Variants in ACACA observed in about 807,000 individuals in gnomAD.
ACACA encodes acetyl-CoA carboxylase alpha.
Under a neutral mutation model 296.1 loss-of-function variants are expected in ACACA, and 103 were observed. The ratio of observed to expected loss-of-function variants is 0.35; its 90% CI spans 0.30 to 0.41. The LOEUF (loss-of-function observed/expected upper bound fraction) is 0.41. Ranked by LOEUF, ACACA falls within the 10% of genes least tolerant of loss-of-function variation. The pLI is 1.00. For missense variants in ACACA, 1,554 were observed against 2,989.7 expected (o/e 0.52, Z 11.20); for synonymous variants, 953 against 1,038.6 (o/e 0.92, Z 1.58).
At position 37,173,060 on chromosome 17, in the gene ACACA, T is replaced by C. The variant is rs1250715520; in HGVS notation, c.5079+6200A>G. 2.0e-5 allele frequency among the ~76,000 whole-genome samples: 3 copies of C among 152,142 alleles called. No individual in the cohort carries two copies. The East Asian group carries it at 5.8e-4, about 29-fold the overall frequency. The stretch of plus-strand genomic sequence containing the variant: ...TGAAACAAAAGCAAGGTAAAGTACA[T>C]CCAAATTAGCATCACATTCATGGAG... On this transcript the variant is annotated intron_variant, in intron 41 of 55. Coordinates refer to ENST00000616317, the MANE Select transcript of ACACA (RefSeq NM_198834.3).
intron 45 of ACACA, among the ~76,000 whole-genome samples, chr17:37,135,533 T>C (rs923876934): frequency 6.6e-6 from 1 of 152,064 alleles, no homozygotes; most frequent in Non-Finnish European, 1.5e-5. Context: ...TCAGGTATGC[T>C]GAAGGATAAA....
At position 37,317,126 on chromosome 17, in the gene ACACA, T is replaced by C. The variant is rs147992837; in HGVS notation, c.338+13047A>G. 5.8e-3 allele frequency among the ~76,000 whole-genome samples: 883 copies of C among 151,026 alleles called. 13 individuals carry two copies. Among genetic ancestry groups the C allele is most frequent in the African/African-American group, 0.021 (847 of 41,194 alleles). On this transcript the variant is annotated intron_variant, in intron 3 of 55. Transcript: ENST00000616317. ...AATGACATGAGAAAGTGTTGTTATA[T>C]GGGGAAAAAAAGCAGAAAGCAGAGC...
chr17:37,245,329 G>A, intron 19 of ACACA, 115 bp from the exon 20 acceptor site: 11 of 1,019,392 alleles, frequency 1.1e-5, no homozygotes, highest in Middle Eastern at 3.1e-4. Flanking sequence ...ATTTGACCAA[G>A]AAAAAATGGG....
At chr17:37,253,112 C>A (rs1054470490) in intron 14 of ACACA, 76 bp from the exon 15 acceptor site, 1 of 1,605,018 alleles carries the variant, frequency 6.2e-7, no homozygotes, top group Non-Finnish European at 8.5e-7. Context: ...ATCTGTTTGG[C>A]CAGGCATGGT....
chr17:37,098,429 A>G (rs868723015), intron 52 of ACACA, among the ~76,000 whole-genome samples: 3 of 152,344 alleles, frequency 2.0e-5, no homozygotes, highest in Middle Eastern at 3.4e-3. Context: ...GAGCACCCCT[A>G]AACTCCGAGC....
At chr17:37,315,527 A>G in intron 3 of ACACA, among the ~76,000 whole-genome samples, 1 of 152,188 alleles carries the variant, frequency 6.6e-6, no homozygotes, top group East Asian at 1.9e-4. Flanking sequence ...TTCAGATACC[A>G]GTTGCAAATC....
intron 41 of ACACA, among the ~76,000 whole-genome samples, chr17:37,168,916 G>C (rs8071315): frequency 0.5 from 75,519 of 152,028 alleles, 21,144 homozygotes; most frequent in East Asian, 0.75. Flanking sequence ...AGAACAGTGC[G>C]TATCAGCTAA....
intron 3 of ACACA, among the ~76,000 whole-genome samples, chr17:37,305,572 G>A (rs1293503380): frequency 6.6e-6 from 1 of 152,182 alleles, no homozygotes; most frequent in African/African-American, 2.4e-5. Context: ...ACTTTCCGTT[G>A]GGCCTTATCA....
chr17:37,394,377 A>G (rs140416669), intron 1 of ACACA, among the ~76,000 whole-genome samples: 1,742 of 151,672 alleles, frequency 0.011, 37 homozygotes, highest in African/African-American at 0.038. Flanking sequence ...CACCCAGCTA[A>G]TTTTTGTATT....
In ACACA at chr17:37,248,024, C is replaced by T; in HGVS notation, c.2296G>A (p.Glu766Lys). 1.9e-6 allele frequency: 3 copies of T among 1,614,108 alleles called. No individual in the cohort carries two copies. Among genetic ancestry groups the T allele is most frequent in the Non-Finnish European group, 2.5e-6 (3 of 1,180,022 alleles). ...ACAGCCACTTACCTATCCACTTCCT[C>T]TTTCATATACGTAGTATAACTGCTG... ...DGSSYTTYMK[E>K]EVDRYRITIG... Residue 766 changes from glutamate to lysine, a missense_variant, in exon 18 of 56, where the codon GAG becomes AAG. Around this residue, in one of 16 missense-constraint regions of ACACA, gnomAD observed 316 missense variants for 540.9 expected, o/e 0.58. Transcript: ENST00000616317.
chr17:37,309,960 T>C (rs1009031336), intron 3 of ACACA, among the ~76,000 whole-genome samples: 9 of 152,060 alleles, frequency 5.9e-5, no homozygotes, highest in African/African-American at 2.2e-4. Flanking sequence ...GTCTGAGGCT[T>C]GAGCCCAGAA....
At chr17:37,103,937 T>C (rs1157604781) in intron 52 of ACACA, among the ~76,000 whole-genome samples, 1 of 152,162 alleles carries the variant, frequency 6.6e-6, no homozygotes, top group Non-Finnish European at 1.5e-5. Context: ...AGAGATACTC[T>C]GGTGGCTGAG....
chr17:37,168,975 C>T (rs936571338), intron 41 of ACACA, among the ~76,000 whole-genome samples: 1 of 152,098 alleles, frequency 6.6e-6, no homozygotes, highest in Admixed American at 6.5e-5. Flanking sequence ...GTACTAAAAT[C>T]GAAAGCTTTT....
chr17:37,194,552 C>G (rs1472549801), intron 35 of ACACA, among the ~76,000 whole-genome samples: 2 of 152,142 alleles, frequency 1.3e-5, no homozygotes, highest in Non-Finnish European at 1.5e-5. Context: ...TTACCTTTCT[C>G]TTTTTATTAT....
intron 50 of ACACA, among the ~76,000 whole-genome samples, chr17:37,118,968 C>T (rs903545625): frequency 6.6e-6 from 1 of 152,088 alleles, no homozygotes; most frequent in Non-Finnish European, 1.5e-5. Flanking sequence ...AACTTTTGAA[C>T]TCTGAACTCC....
chr17:37,206,057 G>A (rs1195803067), intron 32 of ACACA, among the ~76,000 whole-genome samples, 185 bp from the exon 33 acceptor site: 1 of 152,112 alleles, frequency 6.6e-6, no homozygotes, highest in East Asian at 1.9e-4. Context: ...ATTAAATCAG[G>A]TAAAGCATAT....
At chr17:37,344,639 T>G (rs1193209231) in intron 1 of ACACA, among the ~76,000 whole-genome samples, 1 of 152,088 alleles carries the variant, frequency 6.6e-6, no homozygotes, top group Non-Finnish European at 1.5e-5. Flanking sequence ...TTAAAAAGTC[T>G]GGGTAGACAA....
chr17:37,286,684 G>A (rs2082789840), intron 3 of ACACA, among the ~76,000 whole-genome samples: 1 of 152,106 alleles, frequency 6.6e-6, no homozygotes, highest in South Asian at 2.1e-4. Flanking sequence ...GTGGGTTGTG[G>A]CTCTTTGGCA....
intron 35 of ACACA, 71 bp from the exon 36 acceptor site, chr17:37,193,486 A>C: frequency 8.3e-7 from 1 of 1,206,790 alleles, no homozygotes; most frequent in Non-Finnish European, 1.2e-6. Context: ...AACAGTATAG[A>C]AACAGTTAAG....
Sources: gnomAD v4.1 joint callset for allele counts (sites outside exome capture counted in the v4.1 genomes callset) on GRCh38, gnomAD v4.1.1 for gene constraint, gnomAD v4.1.1 regional missense constraint, MANE v1.5 for transcripts, NCBI Gene and HGNC (gene_info 2026-07-23, HGNC 2026-07-21) for gene names.